CRCP: variants seen among roughly 807,000 people sequenced by gnomAD.
CRCP encodes the protein CGRP receptor component.
A neutral mutation model predicts 18.5 loss-of-function variants in CRCP; 18 were observed. The observed-to-expected ratio is 0.97, with a 90% CI of 0.67 to 1.44. The LOEUF (loss-of-function observed/expected upper bound fraction) is 1.44. CRCP is among the 40% of genes most tolerant of loss of function. CRCP has a pLI of 0.00. For synonymous variants in CRCP, 53 were observed against 62.9 expected, an observed-to-expected ratio of 0.84 and a Z score of 0.75; for missense variants, 130 against 176.4, an observed-to-expected ratio of 0.74 and a Z score of 1.49.
chr7:66,149,717 A>G (rs1449705293), intron 5 of CRCP, among the ~76,000 whole-genome samples: 2 of 152,156 alleles, frequency 1.3e-5, no homozygotes, highest in Admixed American at 6.5e-5. Flanking sequence ...TGAAATATAA[A>G]CAAAAAAGAA....
chr7:66,133,498 C>G (rs920069162), intron 3 of CRCP, among the ~76,000 whole-genome samples: 3 of 147,190 alleles, frequency 2.0e-5, no homozygotes, highest in Admixed American at 1.4e-4. Context: ...GAGCCGAGAT[C>G]GTGCCGCTGC....
At position 66,130,857 on chromosome 7, in the gene CRCP, C is replaced by T. The variant is rs1787780163; in HGVS notation, c.144+15C>T. ...TCACCTATGAAGTAAGGCTGGGCTT[C>T]TGCCAGGCCTACCTAAAGTACCATT... On this transcript the variant is annotated intron_variant, in intron 3 of 5. Coordinates refer to ENST00000395326, the MANE Select transcript of CRCP (RefSeq NM_014478.5). The T allele has an allele frequency of 5.2e-6, 7 of 1,336,160 alleles. No homozygotes were observed. The highest frequency in any genetic ancestry group is 7.5e-6 in the Non-Finnish European group (7 of 933,564). The allele number at this position is 1,336,160 out of a possible 1,614,324, so 82.8% of individuals were successfully genotyped here. A position where few individuals can be genotyped will look rare whatever the true frequency, so the allele number is the denominator to read the frequency against.
chr7:66,143,087 C>G (rs1295108451), intron 4 of CRCP, among the ~76,000 whole-genome samples: 1 of 152,170 alleles, frequency 6.6e-6, no homozygotes, highest in Non-Finnish European at 1.5e-5. Flanking sequence ...CTCCTCCTCC[C>G]TGATCCTACC....
intron 4 of CRCP, among the ~76,000 whole-genome samples, chr7:66,136,275 T>G (rs1037917521): frequency 5.9e-5 from 9 of 152,006 alleles, no homozygotes; most frequent in African/African-American, 2.2e-4. Context: ...TGTGAGTTCA[T>G]GCTGGAGTGC....
intron 1 of CRCP, among the ~76,000 whole-genome samples, chr7:66,124,883 C>T (rs1787575600): frequency 6.7e-6 from 1 of 149,294 alleles, no homozygotes; most frequent in South Asian, 2.1e-4. Context: ...ACAATGTAAA[C>T]TCACATTTCT....
At chr7:66,132,578 T>C (rs1787840411) in intron 3 of CRCP, among the ~76,000 whole-genome samples, 1 of 152,146 alleles carries the variant, frequency 6.6e-6, no homozygotes, top group Non-Finnish European at 1.5e-5. Context: ...ATCTGCCTGG[T>C]TTCTCCACTG....
intron 5 of CRCP, among the ~76,000 whole-genome samples, chr7:66,148,471 G>A (rs1402690505): frequency 1.3e-5 from 2 of 152,152 alleles, no homozygotes; most frequent in African/African-American, 4.8e-5. Context: ...TTCTCCCTGG[G>A]TTCAGAAAAC....
intron 1 of CRCP, among the ~76,000 whole-genome samples, chr7:66,122,955 CTTTTT>C (rs199515487): frequency 5.9e-5 from 7 of 118,754 alleles, no homozygotes; most frequent in Non-Finnish European, 7.1e-5. Flanking sequence ...TTCTTTCTTT[CTTTTT>C]TTTTTTTTTT....
In CRCP at chr7:66,140,424, T is replaced by C. The variant is rs888502191; in HGVS notation, c.240-5019T>C. On this transcript the variant is annotated intron_variant, in intron 4 of 5. Transcript: ENST00000395326. ...TTTTTTTTTTGAGTTGGAGTCTTGCTCTTGTTACCCAGGCTGGATGGAGTG... is the reference window on the plus strand; with the variant it reads ...TTTTTTTTTTGAGTTGGAGTCTTGCCCTTGTTACCCAGGCTGGATGGAGTG... 5.3e-5 allele frequency among the ~76,000 whole-genome samples: 8 copies of C among 151,304 alleles called. 1 individual carries two copies. Among genetic ancestry groups the C allele is most frequent in the Non-Finnish European group, 7.4e-5 (5 of 67,772 alleles).
At chr7:66,136,183 T>C (rs1017430761) in intron 4 of CRCP, among the ~76,000 whole-genome samples, 22 of 152,166 alleles carry the variant, frequency 1.4e-4, no homozygotes, top group African/African-American at 5.1e-4. Context: ...GAAAACGTCA[T>C]ACATCAAGAG....
intron 1 of CRCP, among the ~76,000 whole-genome samples, chr7:66,121,392 T>C (rs1324673617): frequency 1.3e-5 from 2 of 152,050 alleles, no homozygotes; most frequent in South Asian, 2.1e-4. Context: ...CTTTATTTGA[T>C]TGACAATTTA....
chr7:66,142,902 A>G (rs1408103138), intron 4 of CRCP, among the ~76,000 whole-genome samples: 1 of 152,142 alleles, frequency 6.6e-6, no homozygotes, highest in African/African-American at 2.4e-5. Context: ...GGTTTCATGT[A>G]ACTCCTTGCA....
chr7:66,129,306 C>T (rs1233288269), intron 2 of CRCP, among the ~76,000 whole-genome samples: 3 of 152,098 alleles, frequency 2.0e-5, no homozygotes, highest in African/African-American at 7.2e-5. Context: ...GCACTCCAGC[C>T]TGGGCGACAG....
chr7:66,149,877 G>C (rs1788403684), intron 5 of CRCP, among the ~76,000 whole-genome samples: 1 of 151,984 alleles, frequency 6.6e-6, no homozygotes, highest in Non-Finnish European at 1.5e-5. Context: ...CACGATCTTG[G>C]CTTACTACAA....
chr7:66,129,935 A>G (rs1368292201), intron 2 of CRCP, among the ~76,000 whole-genome samples: 7 of 151,974 alleles, frequency 4.6e-5, no homozygotes, highest in Admixed American at 1.3e-4. Flanking sequence ...CAGCACTAAT[A>G]CATGTATGTT....
chr7:66,129,066 T>G (rs13247973), intron 2 of CRCP, among the ~76,000 whole-genome samples: 1 of 151,748 alleles, frequency 6.6e-6, no homozygotes, highest in Non-Finnish European at 1.5e-5. Flanking sequence ...GGGCGCGGTG[T>G]CTCACGCCTG....
At chr7:66,123,875 A>C (rs1787528540) in intron 1 of CRCP, among the ~76,000 whole-genome samples, 1 of 147,806 alleles carries the variant, frequency 6.8e-6, no homozygotes. Context: ...ACATGGTGAA[A>C]TCCCGTCTGT....
chr7:66,125,534 G>A (rs747069799), intron 1 of CRCP, among the ~76,000 whole-genome samples: 1 of 149,464 alleles, frequency 6.7e-6, no homozygotes, highest in Non-Finnish European at 1.5e-5. Context: ...CAGAGTACCT[G>A]TGTAAACATC....
intron 2 of CRCP, chr7:66,128,743 A>G (rs1787693574): frequency 6.6e-6 from 1 of 152,228 alleles, no homozygotes; most frequent in Admixed American, 6.5e-5. Flanking sequence ...GAAAAGAAGG[A>G]AAAAGGTTGG....
Sources: allele counts gnomAD v4.1 joint callset (sites outside exome capture counted in the v4.1 genomes callset), GRCh38; gene constraint gnomAD v4.1.1; transcripts MANE v1.5; gene names NCBI Gene and HGNC (gene_info 2026-07-23, HGNC 2026-07-21).